The following SPATA13 variants were observed in gnomAD, a reference collection of about 807,000 sequenced individuals.
SPATA13 encodes spermatogenesis-associated protein 13.
A neutral mutation model predicts 104.0 loss-of-function variants in SPATA13; 50 were observed. The observed-to-expected ratio is 0.48, with a 90% CI of 0.38 to 0.61. The LOEUF (loss-of-function observed/expected upper bound fraction) is 0.61, where lower values mean the gene tolerates loss of function less well. Among genes scored for constraint, SPATA13 ranks in the 20% least tolerant of loss-of-function variants. SPATA13 has a pLI of 0.00. For synonymous variants in SPATA13, 606 were observed against 667.5 expected, an observed-to-expected ratio of 0.91 and a Z score of 1.42; for missense variants, 1,524 against 1,690.6, an observed-to-expected ratio of 0.90 and a Z score of 1.73.
intron 3 of SPATA13, 169 bp from the exon 4 acceptor site, chr13:24,251,549 C>A: frequency 6.8e-7 from 1 of 1,468,466 alleles, no homozygotes. Context: ...AAAACTGTAG[C>A]ATCATGAGTT....
At chr13:24,151,530 A>G (rs759666712) in intron 3 of SPATA13, among the ~76,000 whole-genome samples, 1 of 152,230 alleles carries the variant, frequency 6.6e-6, no homozygotes, top group Non-Finnish European at 1.5e-5. Flanking sequence ...ACCCAGTTAT[A>G]TACATGAAAG....
chr13:24,252,641 G>A (rs1477543347), intron 4 of SPATA13: 3 of 152,226 alleles, frequency 2.0e-5, no homozygotes, highest in African/African-American at 7.2e-5. Flanking sequence ...TGTACACACA[G>A]CCTTTCCCTG....
intron 5 of SPATA13, among the ~76,000 whole-genome samples, chr13:24,285,272 A>T (rs1238228554): frequency 1.3e-5 from 2 of 152,178 alleles, no homozygotes; most frequent in Non-Finnish European, 2.9e-5. Flanking sequence ...GTAAAGTTAG[A>T]TGCAAAACTT....
At chr13:23,997,179 A>G (rs1309092092) in intron 2 of SPATA13, among the ~76,000 whole-genome samples, 1 of 152,208 alleles carries the variant, frequency 6.6e-6, no homozygotes, top group Non-Finnish European at 1.5e-5. Context: ...GTGAGCAGAA[A>G]TGGTTTCCAT....
intron 3 of SPATA13, among the ~76,000 whole-genome samples, chr13:24,065,040 C>T (rs1445913409): frequency 2.6e-5 from 4 of 151,954 alleles, no homozygotes; most frequent in East Asian, 1.9e-4. Flanking sequence ...TGGGACCTTG[C>T]GTTTATATTA....
chr13:24,052,159 C>T (rs943944861), intron 3 of SPATA13, among the ~76,000 whole-genome samples: 10 of 152,178 alleles, frequency 6.6e-5, no homozygotes, highest in East Asian at 1.9e-4. Flanking sequence ...GGAGGAAGCA[C>T]GGTTCTCAAG....
intron 7 of SPATA13, 70 bp from the exon 8 acceptor site, chr13:24,288,929 A>C: frequency 7.2e-7 from 1 of 1,395,474 alleles, no homozygotes; most frequent in Non-Finnish European, 9.7e-7. Context: ...CTTTAGGCCT[A>C]CAAAAGCTGT....
chr13:24,065,247 C>A (rs1049732411), intron 3 of SPATA13, among the ~76,000 whole-genome samples: 3 of 152,118 alleles, frequency 2.0e-5, no homozygotes, highest in Non-Finnish European at 2.9e-5. Flanking sequence ...GAGCTGTCTA[C>A]TTAGTTTAAG....
intron 2 of SPATA13, among the ~76,000 whole-genome samples, chr13:23,998,063 CT>C (rs1398994095): frequency 1.3e-5 from 2 of 152,290 alleles, no homozygotes; most frequent in Non-Finnish European, 2.9e-5. Flanking sequence ...CAAATGTACT[CT>C]TTTCTTCCAG....
chr13:24,260,798 A>G (rs986048641), intron 4 of SPATA13, among the ~76,000 whole-genome samples: 2 of 152,348 alleles, frequency 1.3e-5, no homozygotes, highest in African/African-American at 4.8e-5. Flanking sequence ...GCGGATGCAT[A>G]TGGGTGTGGA....
In SPATA13 at chr13:24,276,318, T is replaced by C. The variant is rs1874979877; in HGVS notation, c.2165-7817T>C. Among the ~76,000 whole-genome samples the C allele has an allele frequency of 3.9e-5, 6 of 152,348 alleles. No homozygotes were observed. The South Asian group carries it at 1.2e-3, about 32-fold the overall frequency. On this transcript the variant is annotated intron_variant, in intron 4 of 12. Transcript: ENST00000382108. ...GCTAACCAAACAATGGAATATTATA[T>C]AGTGTTTAAAAAGAAGGAAGTTCTA...
At chr13:24,210,027 C>T (rs755444346) in intron 1 of SPATA13, among the ~76,000 whole-genome samples, 8 of 152,020 alleles carry the variant, frequency 5.3e-5, no homozygotes, top group Non-Finnish European at 1.2e-4. Flanking sequence ...TGATGTTGAG[C>T]ACCTTTTTCA....
intron 1 of SPATA13, among the ~76,000 whole-genome samples, chr13:24,185,062 G>A (rs1869061015): frequency 1.3e-5 from 2 of 152,096 alleles, no homozygotes; most frequent in Non-Finnish European, 1.5e-5. Context: ...CTTCTCCAGG[G>A]GACCTGCTCT....
At chr13:24,022,109 C>A (rs924362944) in intron 3 of SPATA13, among the ~76,000 whole-genome samples, 7 of 146,494 alleles carry the variant, frequency 4.8e-5, no homozygotes, top group African/African-American at 1.8e-4. Context: ...GGAGTGCAAT[C>A]TCATCTCACT....
At chr13:23,980,291 G>A (rs1476715406) in intron 1 of SPATA13, among the ~76,000 whole-genome samples, 1 of 152,234 alleles carries the variant, frequency 6.6e-6, no homozygotes. Flanking sequence ...TGGCGGTCGC[G>A]TTGCCATGGC....
At chr13:24,030,042 C>G (rs1051377060) in intron 3 of SPATA13, among the ~76,000 whole-genome samples, 1 of 139,824 alleles carries the variant, frequency 7.2e-6, no homozygotes, top group Admixed American at 7.7e-5. Context: ...GCCCTACCTT[C>G]TCCTAACACA....
chr13:24,195,612 A>G (rs552972100), intron 1 of SPATA13, among the ~76,000 whole-genome samples: 4 of 152,338 alleles, frequency 2.6e-5, no homozygotes, highest in African/African-American at 9.6e-5. Flanking sequence ...CAACACTGCT[A>G]AAGGACAGTA....
intron 1 of SPATA13, among the ~76,000 whole-genome samples, chr13:24,197,961 C>T (rs1038707025): frequency 1.3e-5 from 2 of 151,972 alleles, no homozygotes; most frequent in African/African-American, 2.4e-5. Flanking sequence ...TCCAACTCCT[C>T]ACTTTCCCAT....
At position 24,286,829 on chromosome 13, in the gene SPATA13, A is replaced by G. The variant is rs548405842; in HGVS notation, c.2546A>G (p.Glu849Gly). The G allele has an allele frequency of 1.2e-6, 2 of 1,613,702 alleles. No homozygotes were observed. Among genetic ancestry groups the G allele is most frequent in the Admixed American group, 3.3e-5 (2 of 60,010 alleles). The change falls in exon 7 of 13, where the codon GAG (glutamate) becomes GGG (glycine). Residue 849 changes from glutamate (E) to glycine (G), a missense_variant. Glu to Gly is a moderately conservative substitution (Grantham distance 98). Transcript: ENST00000382108. The surrounding 1 kb of genome is among the most constrained non-coding windows in gnomAD (Gnocchi z 4.9). ...AGCACCCCCAGTGAGGAGCAGGACG[A>G]GGAGGCCAGCCAGAGCCGCCACAGA... ...SSSTPSEEQD[E>G]EASQSRHRHC...
Sources: gnomAD v4.1 joint callset for allele counts (sites outside exome capture counted in the v4.1 genomes callset) on GRCh38, gnomAD v4.1.1 for gene constraint, Gnocchi (gnomAD v3.1) non-coding constraint, MANE v1.5 for transcripts, NCBI Gene and HGNC (gene_info 2026-07-23, HGNC 2026-07-21) for gene names.